LRRC37B: variants seen among roughly 807,000 people sequenced by gnomAD.
LRRC37B encodes leucine-rich repeat-containing protein 37B.
Under a neutral mutation model 98.3 loss-of-function variants are expected in LRRC37B, and 28 were observed. That is an observed-to-expected ratio of 0.28 (90% confidence interval 0.21 to 0.39). The LOEUF (loss-of-function observed/expected upper bound fraction) is 0.39, where lower values mean the gene tolerates loss of function less well. LRRC37B is among the 10% of genes least tolerant of loss of function. The pLI is 1.00. For synonymous variants in LRRC37B, 364 were observed against 442.7 expected (o/e 0.82, Z 2.23); for missense variants, 938 against 1,182.7 (o/e 0.79, Z 3.03).
At chr17:32,012,914 G>A (rs1430771344) in intron 1 of LRRC37B, among the ~76,000 whole-genome samples, 1 of 152,314 alleles carries the variant, frequency 6.6e-6, no homozygotes, top group South Asian at 2.1e-4. Context: ...CTACTTGGGA[G>A]GCTGAGGCAG....
In LRRC37B at chr17:32,041,395, T is replaced by G. The variant is rs776464073; in HGVS notation, c.2205-4305T>G. ...TTCCAGCCTGAGAACCATGGGGAGC[T>G]GGGCTTCCATGAGGGTGACGTCTTC... On this transcript the variant is annotated intron_variant, in intron 7 of 11. Coordinates refer to ENST00000327564, the Ensembl canonical transcript of LRRC37B. 8.0e-6 allele frequency: 6 copies of G among 750,172 alleles called. No individual in the cohort carries two copies. The East Asian group carries it at 1.5e-4, about 19-fold the overall frequency. The allele number at this position is 750,172 out of a possible 1,614,324, so 46.5% of individuals were successfully genotyped here.
upstream of LRRC37B, among the ~76,000 whole-genome samples, chr17:32,020,366 A>G (rs1307431740): frequency 6.6e-6 from 1 of 152,168 alleles, no homozygotes; most frequent in Non-Finnish European, 1.5e-5. Flanking sequence ...CCATGTGTGC[A>G]CACAGGGTAG....
chr17:32,015,116 C>T (rs1206999708), intron 1 of LRRC37B, among the ~76,000 whole-genome samples: 2 of 151,926 alleles, frequency 1.3e-5, no homozygotes, highest in African/African-American at 2.4e-5. Flanking sequence ...GGCGACAGAG[C>T]GACTCTGTCT....
In LRRC37B at chr17:32,023,414, C is replaced by T. The variant is rs2627063; in HGVS notation, c.1760+589C>T. On this transcript the variant is annotated intron_variant, in intron 1 of 11. Coordinates refer to ENST00000327564, the Ensembl canonical transcript of LRRC37B. The stretch of plus-strand genomic sequence containing the variant: ...CTGGGATTACAGGCGTGAGCCACCG[C>T]GCCTGGCCCGCTTCACCCTCTTTAC... Among the ~76,000 whole-genome samples, 29 of 152,256 alleles carry T rather than the reference C, an allele frequency of 1.9e-4. No individual in the cohort carries two copies. The South Asian group carries it at 4.1e-3, about 22-fold the overall frequency.
intron 3 of LRRC37B, among the ~76,000 whole-genome samples, chr17:32,029,684 T>C (rs1214565555): frequency 9.9e-5 from 15 of 152,034 alleles, no homozygotes; most frequent in Admixed American, 9.8e-4. Flanking sequence ...ATGCCATGAG[T>C]ACCTGTAGAT....
chr17:32,040,855 A>G, intron 7 of LRRC37B: 3 of 825,256 alleles, frequency 3.6e-6, no homozygotes, highest in Non-Finnish European at 6.4e-6. Flanking sequence ...GACCTCCTCC[A>G]GAACCTGTGT....
At chr17:32,010,739 C>T (rs1910506284) in intron 1 of LRRC37B, among the ~76,000 whole-genome samples, 1 of 152,118 alleles carries the variant, frequency 6.6e-6, no homozygotes, top group Admixed American at 6.5e-5. Flanking sequence ...AAACTTATTC[C>T]TTCTATCTGA....
At chr17:32,027,933 A>G in intron 3 of LRRC37B, 93 bp downstream of exon 6, 1 of 867,192 alleles carries the variant, frequency 1.2e-6, no homozygotes, top group Middle Eastern at 4.0e-4. Flanking sequence ...GATTTCTTCC[A>G]GCAATAAAAT....
chr17:32,039,518 ATATATGTATG>A (rs1567617773), intron 7 of LRRC37B, among the ~76,000 whole-genome samples: 3 of 27,514 alleles, frequency 1.1e-4, no homozygotes, highest in African/African-American at 5.0e-4. Context: ...ATATATATAT[ATATATGTATG>A]TATTTTTATA....
chr17:32,035,444 T>C (rs1423875022), intron 6 of LRRC37B, 121 bp from the exon 10 acceptor site: 19 of 1,059,218 alleles, frequency 1.8e-5, no homozygotes, highest in Admixed American at 2.5e-5. Context: ...AATAAACTAT[T>C]GAAGTGGCTT....
intron 8 of LRRC37B, 155 bp from the exon 12 acceptor site, chr17:32,047,606 T>C (rs1305441549): frequency 9.4e-7 from 1 of 1,063,590 alleles, no homozygotes; most frequent in East Asian, 2.5e-5. Flanking sequence ...TGCCATTTCA[T>C]AGGTTTAGGT....
intron 1 of LRRC37B, among the ~76,000 whole-genome samples, chr17:32,014,305 C>G (rs577400803): frequency 6.6e-6 from 1 of 152,210 alleles, no homozygotes; most frequent in South Asian, 2.1e-4. Flanking sequence ...TGTGATAGAG[C>G]CGGTCCCCAG....
intron 5 of LRRC37B, among the ~76,000 whole-genome samples, chr17:32,032,519 G>A (rs951489072): frequency 3.3e-5 from 5 of 151,930 alleles, no homozygotes; most frequent in Non-Finnish European, 7.4e-5. Context: ...TGGCCTGAAG[G>A]GGACTTTAGA....
intron 11 of LRRC37B, chr17:32,052,212 G>A (rs56315625): frequency 5.4e-4 from 80 of 148,284 alleles, no homozygotes; most frequent in Admixed American, 1.7e-3. Context: ...TTCTTTCTCA[G>A]GGCCTTGTTG....
intron 10 of LRRC37B, among the ~76,000 whole-genome samples, chr17:32,049,638 G>A (rs1911690335): frequency 6.6e-6 from 1 of 152,116 alleles, no homozygotes; most frequent in South Asian, 2.1e-4. Context: ...AGGCCGAGGT[G>A]GGTGGATCAC....
chr17:32,035,562 C>T lies in LRRC37B; in HGVS notation c.2130-3C>T. ...TCATGAATGTTTCGGCTTTCTTCTT[C>T]AGAGACATGGGAACAACACACATCA... On this transcript the variant is annotated splice_region_variant and splice_polypyrimidine_tract_variant and intron_variant, in intron 6 of 11. Coordinates refer to ENST00000327564, the Ensembl canonical transcript of LRRC37B. 1 of 1,610,948 alleles carries T rather than the reference C, an allele frequency of 6.2e-7. No homozygotes were observed. Among genetic ancestry groups the T allele is most frequent in the Non-Finnish European group, 8.5e-7 (1 of 1,178,286 alleles).
intron 7 of LRRC37B, chr17:32,042,610 C>T (rs894959649): frequency 7.2e-5 from 11 of 152,770 alleles, no homozygotes; most frequent in African/African-American, 2.4e-4. Context: ...AATCCAAAAT[C>T]GACGAAATGG....
chr17:32,049,099 C>T lies in LRRC37B; in HGVS notation c.2465-3C>T, dbSNP rs1911671453. 5 of 1,613,784 alleles carry T rather than the reference C, an allele frequency of 3.1e-6. No individual in the cohort carries two copies. Among genetic ancestry groups the T allele is most frequent in the Non-Finnish European group, 8.5e-7 (1 of 1,179,906 alleles). On this transcript the variant is annotated splice_region_variant and splice_polypyrimidine_tract_variant and intron_variant, in intron 9 of 11. Transcript: ENST00000327564. ...TTCAATTACCCATTGCTCTCGTCCCCAGGTGATCAGCTTGAAATTCAGCTA... is the reference window on the plus strand; with the variant it reads ...TTCAATTACCCATTGCTCTCGTCCCTAGGTGATCAGCTTGAAATTCAGCTA...
chr17:32,052,299 C>G (rs1911781955), intron 11 of LRRC37B: 1 of 151,714 alleles, frequency 6.6e-6, no homozygotes, highest in African/African-American at 2.4e-5. Context: ...ATCCTCCTGC[C>G]TCAGCTTCCT....
Sources: allele counts gnomAD v4.1 joint callset (sites outside exome capture counted in the v4.1 genomes callset), GRCh38; gene constraint gnomAD v4.1.1; transcripts MANE v1.5; gene names NCBI Gene and HGNC (gene_info 2026-07-23, HGNC 2026-07-21).